CSMD3: variants seen among roughly 807,000 people sequenced by gnomAD.
CSMD3 encodes CUB and Sushi multiple domains 3, also known as CUB and sushi domain-containing protein 3.
Under a neutral mutation model 435.2 loss-of-function variants are expected in CSMD3, and 177 were observed. That is an observed-to-expected ratio of 0.41 (90% confidence interval 0.36 to 0.46). The LOEUF is 0.46. Ranked by LOEUF, CSMD3 falls within the 20% of genes least tolerant of loss-of-function variation. CSMD3 has a pLI of 0.34. For missense variants in CSMD3, 4,265 were observed against 4,504.6 expected (o/e 0.95, Z 1.52); for synonymous variants, 1,656 against 1,520.5 (o/e 1.09, Z -2.07).
chr8:112,344,587 A>G (rs1386320357), intron 41 of CSMD3, among the ~76,000 whole-genome samples: 1 of 152,100 alleles, frequency 6.6e-6, no homozygotes, highest in Admixed American at 6.5e-5. Flanking sequence ...TAACTCTAAA[A>G]CTACCTGGTT....
chr8:113,371,355 T>C (rs2094345154), intron 1 of CSMD3, among the ~76,000 whole-genome samples: 2 of 152,108 alleles, frequency 1.3e-5, no homozygotes, highest in African/African-American at 4.8e-5. Context: ...TTTGGTCATA[T>C]ATATTTGTAA....
intron 4 of CSMD3, among the ~76,000 whole-genome samples, chr8:113,141,040 A>C (rs1425696269): frequency 1.3e-5 from 2 of 150,982 alleles, no homozygotes; most frequent in Non-Finnish European, 3.0e-5. Flanking sequence ...GATAGAAAAA[A>C]GTAGAAAATA....
chr8:113,182,536 CAACAAAAACAAA>C (rs1489383981), intron 3 of CSMD3, among the ~76,000 whole-genome samples: 3 of 150,262 alleles, frequency 2.0e-5, no homozygotes, highest in African/African-American at 7.3e-5. Context: ...AAAAACAAAA[CAACAAAAACAAA>C]AAAACAACAA....
intron 4 of CSMD3, among the ~76,000 whole-genome samples, chr8:113,154,175 A>G (rs1456010858): frequency 1.3e-5 from 2 of 152,058 alleles, no homozygotes; most frequent in African/African-American, 4.8e-5. Context: ...ACTGCTTTTA[A>G]GAGGAAAATT....
chr8:113,100,916 G>C (rs1435725354), intron 4 of CSMD3, among the ~76,000 whole-genome samples: 1 of 152,062 alleles, frequency 6.6e-6, no homozygotes, highest in Non-Finnish European at 1.5e-5. Context: ...GCAGAGGTGG[G>C]GCAGAGGTGA....
intron 27 of CSMD3, among the ~76,000 whole-genome samples, chr8:112,523,214 C>T (rs1344057713): frequency 2.0e-5 from 3 of 151,720 alleles, no homozygotes; most frequent in Admixed American, 1.3e-4. Flanking sequence ...CTTAGTGTAC[C>T]GTATTAAGAA....
chr8:113,137,522 A>T (rs767858273), intron 4 of CSMD3, among the ~76,000 whole-genome samples: 1 of 151,670 alleles, frequency 6.6e-6, no homozygotes, highest in East Asian at 1.9e-4. Context: ...TTTATTTCCC[A>T]TAGTTTTGGA....
At chr8:112,468,753 G>A (rs1219409508) in intron 32 of CSMD3, among the ~76,000 whole-genome samples, 2 of 152,150 alleles carry the variant, frequency 1.3e-5, no homozygotes, top group East Asian at 1.9e-4. Context: ...TTTATTGATA[G>A]ATAAGTAGGA....
chr8:112,605,888 T>G (rs533969665), intron 22 of CSMD3, among the ~76,000 whole-genome samples: 43 of 152,284 alleles, frequency 2.8e-4, no homozygotes, highest in African/African-American at 9.9e-4. Flanking sequence ...CACAAAGAAT[T>G]TCTAGCATAA....
At chr8:112,536,985 C>G (rs571060428) in intron 27 of CSMD3, among the ~76,000 whole-genome samples, 12 of 151,694 alleles carry the variant, frequency 7.9e-5, no homozygotes, top group South Asian at 4.2e-4. Context: ...CACTTGGACA[C>G]AGGAAGGGGA....
Position 113,355,718 on chromosome 8 carries a change from ATT to A in CSMD3, c.179-40927_179-40926del, listed in dbSNP as rs373063558. 6.8e-3 allele frequency among the ~76,000 whole-genome samples: 537 copies of A among 78,926 alleles called. 10 individuals carry two copies. The highest frequency in any genetic ancestry group is 0.056 in the Middle Eastern group (4 of 72). 51.8% of individuals were successfully genotyped at this position (78,926 alleles called of 152,430 possible). ...TGAATAAATAACTCTTAAAAGTTTT[ATT>A]TTTATATATATATATATATATATAT... On this transcript the variant is annotated intron_variant, in intron 1 of 70. Coordinates refer to ENST00000297405, the MANE Select transcript of CSMD3 (RefSeq NM_198123.2).
chr8:112,774,118 A>C (rs1371973012), intron 13 of CSMD3, among the ~76,000 whole-genome samples: 1 of 151,976 alleles, frequency 6.6e-6, no homozygotes, highest in Non-Finnish European at 1.5e-5. Flanking sequence ...ATCTGCATCA[A>C]ATTCATCCTG....
At chr8:113,090,651 TCTC>T (rs1007320886) in intron 5 of CSMD3, among the ~76,000 whole-genome samples, 1 of 152,106 alleles carries the variant, frequency 6.6e-6, no homozygotes, top group African/African-American at 2.4e-5. Flanking sequence ...ACATCTTCAA[TCTC>T]CTCCTCCATT....
chr8:112,961,499 T>C (rs541618314), intron 7 of CSMD3, among the ~76,000 whole-genome samples: 24 of 152,046 alleles, frequency 1.6e-4, no homozygotes, highest in East Asian at 1.5e-3. Flanking sequence ...TACAATGTCT[T>C]AGTGTTGAAA....
chr8:113,201,799 C>A (rs866384390), intron 3 of CSMD3, among the ~76,000 whole-genome samples: 1 of 151,902 alleles, frequency 6.6e-6, no homozygotes, highest in South Asian at 2.1e-4. Context: ...TTGCATGATT[C>A]GTTCAATTTA....
intron 1 of CSMD3, among the ~76,000 whole-genome samples, chr8:113,362,433 A>G (rs2094283610): frequency 6.6e-6 from 1 of 152,190 alleles, no homozygotes; most frequent in Non-Finnish European, 1.5e-5. Context: ...TTTCTGGTAT[A>G]CTTCTCAGTA....
At chr8:113,400,895 A>G (rs139237548) in intron 1 of CSMD3, among the ~76,000 whole-genome samples, 4 of 151,954 alleles carry the variant, frequency 2.6e-5, no homozygotes, top group Non-Finnish European at 3.0e-5. Context: ...ATTTATAATT[A>G]TTAAGTTTGA....
chr8:112,256,216 G>A (rs773209479), intron 61 of CSMD3, among the ~76,000 whole-genome samples: 11 of 151,996 alleles, frequency 7.2e-5, no homozygotes, highest in Non-Finnish European at 1.3e-4. Context: ...TAGGGTTTAT[G>A]CATTTGTGAG....
At chr8:113,384,384 T>C (rs1451958120) in intron 1 of CSMD3, among the ~76,000 whole-genome samples, 1 of 152,142 alleles carries the variant, frequency 6.6e-6, no homozygotes, top group Admixed American at 6.6e-5. Flanking sequence ...ATATAGTGTA[T>C]CAGTCAGGAT....
Sources: gnomAD v4.1 joint callset for allele counts (sites outside exome capture counted in the v4.1 genomes callset) on GRCh38, gnomAD v4.1.1 for gene constraint, MANE v1.5 for transcripts, NCBI Gene and HGNC (gene_info 2026-07-23, HGNC 2026-07-21) for gene names.